PACSIN2: variants seen among roughly 807,000 people sequenced by gnomAD.
The protein encoded by PACSIN2 is protein kinase C and casein kinase substrate in neurons protein 2.
In PACSIN2, 25 loss-of-function variants were observed where a neutral mutation model predicts 63.8. The observed-to-expected ratio is 0.39, with a 90% CI of 0.29 to 0.55. The LOEUF is 0.55. Ranked by LOEUF, PACSIN2 falls within the 20% of genes least tolerant of loss-of-function variation. PACSIN2 has a pLI of 0.62. For missense variants in PACSIN2, 518 were observed against 646.9 expected (o/e 0.80, Z 2.16); for synonymous variants, 255 against 256.2 (o/e 1.00, Z 0.05).
At chr22:42,944,118 C>T (rs1933299532) in intron 1 of PACSIN2, among the ~76,000 whole-genome samples, 1 of 152,212 alleles carries the variant, frequency 6.6e-6, no homozygotes, top group African/African-American at 2.4e-5. Context: ...CCAGCCTCTC[C>T]TGTCTACTGT....
intron 8 of PACSIN2, 34 bp from the exon 9 acceptor site, chr22:42,877,044 C>T (rs1486062831): frequency 6.2e-7 from 1 of 1,612,592 alleles, no homozygotes; most frequent in East Asian, 2.2e-5. Context: ...GGGATCCCAG[C>T]TCTGCAGGGG....
intron 5 of PACSIN2, among the ~76,000 whole-genome samples, chr22:42,887,440 G>A (rs1929574548): frequency 1.3e-5 from 2 of 152,174 alleles, no homozygotes; most frequent in African/African-American, 4.8e-5. Context: ...TAACTGACAG[G>A]GGCCAGGAAA....
rs567450665 is a variant in PACSIN2 at position 42,889,017 on chromosome 22, G to A, written c.454-219C>T. 8.5e-5 allele frequency among the ~76,000 whole-genome samples: 13 copies of A among 152,322 alleles called. No homozygotes were observed. The East Asian group carries it at 2.5e-3, about 29-fold the overall frequency. ...TCCTGTGCATGGTTCGAGGCACCAGGAACACAGCAAGAAACACAAGGTCTT... is the reference window on the plus strand; with the variant it reads ...TCCTGTGCATGGTTCGAGGCACCAGAAACACAGCAAGAAACACAAGGTCTT... On this transcript the variant is annotated intron_variant, in intron 4 of 10. Coordinates refer to ENST00000263246, the MANE Select transcript of PACSIN2 (RefSeq NM_001184970.3).
intron 1 of PACSIN2, among the ~76,000 whole-genome samples, chr22:42,991,927 G>C (rs1253349675): frequency 6.6e-6 from 1 of 152,048 alleles, no homozygotes; most frequent in South Asian, 2.1e-4. Flanking sequence ...GACGAGACAT[G>C]AGAAAACATT....
intron 1 of PACSIN2, among the ~76,000 whole-genome samples, chr22:42,914,732 G>C (rs1183953115): frequency 6.6e-6 from 1 of 152,228 alleles, no homozygotes; most frequent in Non-Finnish European, 1.5e-5. Context: ...GCAGCTGCAG[G>C]GAAGAGCAGG....
rs773138620 is a variant in PACSIN2, at chr22:42,962,779, G to GCGGGGCC, written c.-77-50623_-77-50622insGGCCCCG. Among the ~76,000 whole-genome samples, 18 of 62,280 alleles carry GCGGGGCC rather than the reference G, an allele frequency of 2.9e-4. 1 individual carries two copies. The highest frequency in any genetic ancestry group is 1.6e-3 in the Admixed American group (9 of 5,636). 40.9% of individuals were successfully genotyped at this position (62,280 alleles called of 152,430 possible). ...GTCACAAGAGCAAGGTGTGGGCGGG[G>GCGGGGCC]GGGGGGGGCGGCGCAGAAAAAGAAA... On this transcript the variant is annotated intron_variant, in intron 1 of 10. Transcript: ENST00000263246.
At chr22:42,976,468 G>A (rs1921713945) in intron 1 of PACSIN2, among the ~76,000 whole-genome samples, 1 of 152,258 alleles carries the variant, frequency 6.6e-6, no homozygotes, top group Admixed American at 6.5e-5. Context: ...TCATCGATTT[G>A]AGGCAACAGT....
At chr22:42,974,945 G>A (rs1049609990) in intron 1 of PACSIN2, among the ~76,000 whole-genome samples, 1 of 152,116 alleles carries the variant, frequency 6.6e-6, no homozygotes, top group African/African-American at 2.4e-5. Context: ...GCTGGAGCAA[G>A]GATATCTCCT....
At chr22:42,916,454 C>A (rs1270962851) in intron 1 of PACSIN2, among the ~76,000 whole-genome samples, 1 of 152,100 alleles carries the variant, frequency 6.6e-6, no homozygotes, top group Admixed American at 6.5e-5. Context: ...AGGCACCGAG[C>A]TGAGTTCTCA....
At chr22:43,004,139 G>A (rs373006624) in intron 1 of PACSIN2, among the ~76,000 whole-genome samples, 3 of 152,188 alleles carry the variant, frequency 2.0e-5, no homozygotes, top group African/African-American at 4.8e-5. Flanking sequence ...GCCAGAGGAG[G>A]TGAAATGAGT....
At chr22:42,985,301 C>T (rs1470284668) in intron 1 of PACSIN2, among the ~76,000 whole-genome samples, 1 of 152,242 alleles carries the variant, frequency 6.6e-6, no homozygotes, top group African/African-American at 2.4e-5. Flanking sequence ...CACTCCAGCA[C>T]TCCAGCTTTG....
chr22:42,918,576 T>C lies in PACSIN2; in HGVS notation c.-77-6419A>G, dbSNP rs1183827365. The stretch of plus-strand genomic sequence containing the variant: ...ATTCAAATCACTGGTCACAGACCCA[T>C]AGCTCTTAAGTGCTAGGCTGAGACT... On this transcript the variant is annotated intron_variant, in intron 1 of 10. Coordinates refer to ENST00000263246, the MANE Select transcript of PACSIN2 (RefSeq NM_001184970.3). Among the ~76,000 whole-genome samples, 3 of 152,336 alleles carry C rather than the reference T, an allele frequency of 2.0e-5. No homozygotes were observed. In the East Asian group the frequency reaches 5.8e-4, roughly 29 times the overall value.
At chr22:42,995,986 C>T (rs889213205) in intron 1 of PACSIN2, among the ~76,000 whole-genome samples, 1 of 151,838 alleles carries the variant, frequency 6.6e-6, no homozygotes. Flanking sequence ...TTTGGGAGGC[C>T]GAAGTGGGCG....
intron 1 of PACSIN2, among the ~76,000 whole-genome samples, chr22:42,955,910 C>A (rs1247468836): frequency 1.3e-5 from 2 of 152,198 alleles, no homozygotes; most frequent in Non-Finnish European, 2.9e-5. Flanking sequence ...ATTTCATTAT[C>A]CCCAAAACTG....
chr22:43,000,292 C>CA (rs1426782691), intron 1 of PACSIN2, among the ~76,000 whole-genome samples: 5 of 152,198 alleles, frequency 3.3e-5, no homozygotes, highest in Admixed American at 2.6e-4. Flanking sequence ...GAGTGGGTAG[C>CA]AGGGCTTTGC....
At chr22:42,894,975 G>A (rs1930177353) in intron 2 of PACSIN2, among the ~76,000 whole-genome samples, 1 of 152,210 alleles carries the variant, frequency 6.6e-6, no homozygotes, top group Non-Finnish European at 1.5e-5. Context: ...CTGAGGCTGA[G>A]CTACATGGGC....
At chr22:42,901,208 C>G (rs563336767) in intron 2 of PACSIN2, among the ~76,000 whole-genome samples, 354 of 152,286 alleles carry the variant, frequency 2.3e-3, no homozygotes, top group African/African-American at 8.1e-3. Context: ...CTATCCCAAG[C>G]TGACCTACAG....
chr22:42,995,721 AGC>A (rs1923350342), intron 1 of PACSIN2, among the ~76,000 whole-genome samples: 1 of 152,230 alleles, frequency 6.6e-6, no homozygotes, highest in African/African-American at 2.4e-5. Flanking sequence ...GAGGCCTTAA[AGC>A]ACATTCCACC....
At chr22:42,901,396 G>A (rs1201307362) in intron 2 of PACSIN2, among the ~76,000 whole-genome samples, 2 of 152,166 alleles carry the variant, frequency 1.3e-5, no homozygotes, top group African/African-American at 2.4e-5. Flanking sequence ...GCAACGAGAC[G>A]GGCAAAATGC....
Sources: gnomAD v4.1 joint callset for allele counts (sites outside exome capture counted in the v4.1 genomes callset) on GRCh38, gnomAD v4.1.1 for gene constraint, MANE v1.5 for transcripts, NCBI Gene and HGNC (gene_info 2026-07-23, HGNC 2026-07-21) for gene names.